Variants in CSMD1 observed in about 807,000 individuals in gnomAD.
The protein encoded by CSMD1 is CUB and Sushi multiple domains 1.
Under a neutral mutation model 417.5 loss-of-function variants are expected in CSMD1, and 213 were observed. The observed-to-expected ratio is 0.51, with a 90% CI of 0.46 to 0.57. The LOEUF is 0.57. CSMD1 is among the 20% of genes least tolerant of loss of function. The pLI, the probability that CSMD1 is intolerant of heterozygous loss-of-function variation, is 0.00. For synonymous variants in CSMD1, 2,862 were observed against 1,736.8 expected, an observed-to-expected ratio of 1.65 and a Z score of -16.11; for missense variants, 6,923 against 4,529.7, an observed-to-expected ratio of 1.53 and a Z score of -15.17.
chr8:3,325,708 C>T (rs1054182978), intron 23 of CSMD1, among the ~76,000 whole-genome samples: 1 of 152,134 alleles, frequency 6.6e-6, no homozygotes, highest in Non-Finnish European at 1.5e-5. Flanking sequence ...CCTATAATCC[C>T]AGCTACTCGG....
chr8:3,491,990 A>G (rs1818405330), intron 11 of CSMD1, among the ~76,000 whole-genome samples: 3 of 152,164 alleles, frequency 2.0e-5, no homozygotes, highest in South Asian at 4.1e-4. Context: ...ATTGGTTTAC[A>G]AGCTCTTTGT....
chr8:3,118,301 A>T, intron 42 of CSMD1, 98 bp downstream of exon 42: 1 of 831,052 alleles, frequency 1.2e-6, no homozygotes, highest in Non-Finnish European at 1.8e-6. Context: ...ATATTTATTG[A>T]ATACATTAAT....
At chr8:4,663,309 A>G (rs750042853) in intron 1 of CSMD1, among the ~76,000 whole-genome samples, 11 of 152,336 alleles carry the variant, frequency 7.2e-5, no homozygotes, top group African/African-American at 1.4e-4. Flanking sequence ...GACAAAGCCC[A>G]TCTTTTTAAA....
At chr8:3,646,325 GAT>G (rs1214104039) in intron 7 of CSMD1, among the ~76,000 whole-genome samples, 5 of 151,992 alleles carry the variant, frequency 3.3e-5, no homozygotes, top group African/African-American at 4.8e-5. Flanking sequence ...AAATATAGAA[GAT>G]ATTAAAACAT....
At chr8:4,560,183 G>C (rs1233478180) in intron 2 of CSMD1, among the ~76,000 whole-genome samples, 1 of 152,196 alleles carries the variant, frequency 6.6e-6, no homozygotes, top group Non-Finnish European at 1.5e-5. Flanking sequence ...CACTTTCTCA[G>C]TTCCATGCTG....
chr8:3,672,228 C>T (rs904530692), intron 7 of CSMD1, among the ~76,000 whole-genome samples: 2 of 152,084 alleles, frequency 1.3e-5, no homozygotes, highest in Non-Finnish European at 2.9e-5. Context: ...TTGTTATTTG[C>T]TCATAAGATT....
At chr8:3,207,829 A>G (rs1462017973) in intron 30 of CSMD1, among the ~76,000 whole-genome samples, 1 of 152,164 alleles carries the variant, frequency 6.6e-6, no homozygotes, top group Non-Finnish European at 1.5e-5. Context: ...ACACTTCTCT[A>G]AAACACTTCT....
At position 3,660,477 on chromosome 8, in the gene CSMD1, T is replaced by C. The variant is rs762921102; in HGVS notation, c.1010-43680A>G. On this transcript the variant is annotated intron_variant, in intron 7 of 69. Coordinates refer to ENST00000635120, the MANE Select transcript of CSMD1 (RefSeq NM_033225.6). ...TATGTAAACTAGGGCTCAGATCAAG[T>C]GGCTTTTTTTTTTTTTTTTTTTTTT... 2.0e-3 allele frequency among the ~76,000 whole-genome samples: 239 copies of C among 121,298 alleles called. 1 individual carries two copies. Among genetic ancestry groups the C allele is most frequent in the African/African-American group, 7.0e-3 (232 of 33,140 alleles). The allele number at this position is 121,298 out of a possible 152,430, so 79.6% of individuals were successfully genotyped here.
intron 1 of CSMD1, among the ~76,000 whole-genome samples, chr8:4,773,228 T>G (rs1242335388): frequency 3.3e-5 from 5 of 152,184 alleles, no homozygotes; most frequent in Admixed American, 3.3e-4. Flanking sequence ...TCAAAAAGTT[T>G]CAGACTTTGG....
At chr8:4,413,630 G>C (rs1451047893) in intron 3 of CSMD1, among the ~76,000 whole-genome samples, 1 of 152,110 alleles carries the variant, frequency 6.6e-6, no homozygotes, top group East Asian at 1.9e-4. Context: ...AGTTGCACAA[G>C]ACAGCACTGT....
chr8:4,195,414 T>C (rs1053768271), intron 3 of CSMD1, among the ~76,000 whole-genome samples: 2 of 152,180 alleles, frequency 1.3e-5, no homozygotes, highest in African/African-American at 4.8e-5. Context: ...GACCCACCGA[T>C]GCAAGACTGT....
chr8:3,010,564 G>A (rs773960086), intron 52 of CSMD1, among the ~76,000 whole-genome samples: 2 of 152,028 alleles, frequency 1.3e-5, no homozygotes, highest in Non-Finnish European at 2.9e-5. Context: ...GTTGCCACCA[G>A]GGTTGCAGCT....
chr8:3,435,160 T>C (rs1332412868), intron 12 of CSMD1, among the ~76,000 whole-genome samples: 3 of 152,120 alleles, frequency 2.0e-5, no homozygotes, highest in African/African-American at 4.8e-5. Context: ...CTTTGGTGAA[T>C]CCCAATGAGA....
At chr8:3,890,052 T>A (rs1806852793) in intron 5 of CSMD1, among the ~76,000 whole-genome samples, 1 of 152,066 alleles carries the variant, frequency 6.6e-6, no homozygotes, top group Non-Finnish European at 1.5e-5. Context: ...AGTTTCTGAA[T>A]CCCAATTTAT....
At chr8:4,926,661 C>A (rs1269031283) in intron 1 of CSMD1, among the ~76,000 whole-genome samples, 3 of 152,128 alleles carry the variant, frequency 2.0e-5, no homozygotes. Context: ...AAAAATATGA[C>A]CAGTATTCTT....
Position 4,829,627 on chromosome 8 carries a change from G to C in CSMD1, c.85+164705C>G, listed in dbSNP as rs116900531. Among the ~76,000 whole-genome samples the C allele has an allele frequency of 1.5e-3, 223 of 151,464 alleles. 4 individuals are homozygous for C. In the East Asian group the frequency reaches 0.036, roughly 24 times the overall value. On this transcript the variant is annotated intron_variant, in intron 1 of 69. Coordinates refer to ENST00000635120, the MANE Select transcript of CSMD1 (RefSeq NM_033225.6). The stretch of plus-strand genomic sequence containing the variant: ...ACAGTGGTCATGCCTGTGGTCCCAA[G>C]TACTCAGGAGGCTGAGGAGGGGGGA...
intron 52 of CSMD1, among the ~76,000 whole-genome samples, chr8:3,007,869 T>C (rs947749885): frequency 1.3e-5 from 2 of 151,632 alleles, no homozygotes; most frequent in Admixed American, 6.6e-5. Flanking sequence ...CATGTATACA[T>C]ATGTAACCAA....
chr8:4,326,862 A>C (rs905762), intron 3 of CSMD1, among the ~76,000 whole-genome samples: 98,418 of 152,014 alleles, frequency 0.65, 33,089 homozygotes, highest in East Asian at 0.99. Flanking sequence ...AAGCTTTGGG[A>C]AAGATTTAAC....
chr8:3,360,989 G>A, intron 20 of CSMD1, among the ~76,000 whole-genome samples: 1 of 151,982 alleles, frequency 6.6e-6, no homozygotes, highest in East Asian at 1.9e-4. Flanking sequence ...TACTGGTAAA[G>A]CTCTGAGGTG....
Sources: allele counts gnomAD v4.1 joint callset (sites outside exome capture counted in the v4.1 genomes callset), GRCh38; gene constraint gnomAD v4.1.1; transcripts MANE v1.5; gene names NCBI Gene and HGNC (gene_info 2026-07-23, HGNC 2026-07-21).